The following TUBGCP3 variants were observed in gnomAD, a reference collection of about 807,000 sequenced individuals.
The protein encoded by TUBGCP3 is tubulin gamma complex component 3.
In TUBGCP3, 50 loss-of-function variants were observed where a neutral mutation model predicts 123.1. The observed-to-expected ratio is 0.41, with a 90% CI of 0.32 to 0.51. The LOEUF (loss-of-function observed/expected upper bound fraction) is 0.51. Among genes scored for constraint, TUBGCP3 ranks in the 20% least tolerant of loss-of-function variants. The pLI, the probability that TUBGCP3 is intolerant of heterozygous loss-of-function variation, is 0.36. For missense variants in TUBGCP3, 882 were observed against 1,127.0 expected, an observed-to-expected ratio of 0.78 and a Z score of 3.11; for synonymous variants, 405 against 413.9, an observed-to-expected ratio of 0.98 and a Z score of 0.26.
In TUBGCP3 at chr13:112,504,105, T is replaced by C; in HGVS notation, c.2234A>G (p.Asp745Gly). Reference protein sequence around the residue: ...WNKVQQAQDLDHIIAAHEVFL... With the variant: ...WNKVQQAQDLGHIIAAHEVFL... ...CACCTCGTGTGCAGCAATGATGTGA[T>C]CCAAATCCTGGGCCTGCTGGACTTT... The change falls in exon 19 of 22, where the codon GAT becomes GGT. Residue 745 changes from aspartate to glycine, a missense_variant. Transcript: ENST00000261965. 1 of 1,614,120 alleles carries C rather than the reference T, an allele frequency of 6.2e-7. No individual in the cohort carries two copies. The highest frequency in any genetic ancestry group is 8.5e-7 in the Non-Finnish European group (1 of 1,180,030).
chr13:112,564,739 G>A (rs1880820126), intron 3 of TUBGCP3, among the ~76,000 whole-genome samples: 1 of 152,082 alleles, frequency 6.6e-6, no homozygotes, highest in South Asian at 2.1e-4. Context: ...TATTCACTAT[G>A]GCAGTACAAA....
chr13:112,528,023 T>C (rs1038418000), intron 11 of TUBGCP3, among the ~76,000 whole-genome samples: 1 of 152,252 alleles, frequency 6.6e-6, no homozygotes, highest in Admixed American at 6.5e-5. Context: ...GGTGGCACTG[T>C]AGAAGTGACC....
At chr13:112,574,466 A>C (rs1384932828) in intron 1 of TUBGCP3, among the ~76,000 whole-genome samples, 1 of 152,268 alleles carries the variant, frequency 6.6e-6, no homozygotes, top group Non-Finnish European at 1.5e-5. Context: ...TCCATAGACA[A>C]TCCAAAATCC....
chr13:112,552,416 C>T (rs1017907760), intron 8 of TUBGCP3, among the ~76,000 whole-genome samples: 1 of 152,232 alleles, frequency 6.6e-6, no homozygotes, highest in African/African-American at 2.4e-5. Flanking sequence ...ACCAGTCCTA[C>T]CTGCCTCGAG....
chr13:112,548,965 C>T (rs1369314602), intron 8 of TUBGCP3, among the ~76,000 whole-genome samples: 1 of 152,172 alleles, frequency 6.6e-6, no homozygotes, highest in Non-Finnish European at 1.5e-5. Context: ...TACCATTTGA[C>T]CCAGCCATCC....
At chr13:112,489,805 CCT>C (rs1422079232) in intron 20 of TUBGCP3, 108 bp from the exon 21 acceptor site, 5 of 807,936 alleles carry the variant, frequency 6.2e-6, no homozygotes, top group African/African-American at 3.4e-5. Flanking sequence ...GCTTTTTATG[CCT>C]CTCTGTACTG....
intron 16 of TUBGCP3, among the ~76,000 whole-genome samples, chr13:112,516,853 C>T (rs1271924969): frequency 1.3e-5 from 2 of 152,114 alleles, no homozygotes; most frequent in African/African-American, 4.8e-5. Context: ...CACTACAACT[C>T]CCCCCAACCC....
At chr13:112,553,885 A>C (rs1879804204) in intron 8 of TUBGCP3, among the ~76,000 whole-genome samples, 172 bp downstream of exon 8, 2 of 152,178 alleles carry the variant, frequency 1.3e-5, no homozygotes, top group South Asian at 4.1e-4. Flanking sequence ...CAGTGTCCTC[A>C]TCAGCACCTA....
intron 6 of TUBGCP3, among the ~76,000 whole-genome samples, chr13:112,555,341 G>T (rs1879936445): frequency 1.3e-5 from 2 of 152,148 alleles, no homozygotes; most frequent in Admixed American, 6.6e-5. Flanking sequence ...GTGCCAGGAT[G>T]TCCTCCAGCT....
At chr13:112,533,264 C>T (rs1409603912) in intron 11 of TUBGCP3, among the ~76,000 whole-genome samples, 1 of 152,230 alleles carries the variant, frequency 6.6e-6, no homozygotes, top group Non-Finnish European at 1.5e-5. Context: ...CACCATTCAG[C>T]AGGCATCCAC....
Position 112,519,643 on chromosome 13 carries a change from GC to G in TUBGCP3, c.1881+242del, listed in dbSNP as rs1157239951. ...ATGCGTTTTCTCCAGCTTAAGCCTAGCAGCCCTGCAAGGCTCCCCGCTGCAA... is the reference window on the plus strand; with the variant it reads ...ATGCGTTTTCTCCAGCTTAAGCCTAGAGCCCTGCAAGGCTCCCCGCTGCAA... On this transcript the variant is annotated intron_variant, in intron 15 of 21. Coordinates refer to ENST00000261965, the MANE Select transcript of TUBGCP3 (RefSeq NM_006322.6). This position sits in a 1 kb window ranked among gnomAD's most constrained non-coding sequence, Gnocchi z 6.2. 2.0e-5 allele frequency among the ~76,000 whole-genome samples: 3 copies of G among 152,308 alleles called. No individual in the cohort carries two copies. The highest frequency in any genetic ancestry group is 1.3e-4 in the Admixed American group (2 of 15,310).
intron 5 of TUBGCP3, among the ~76,000 whole-genome samples, chr13:112,556,952 C>T (rs1322669521): frequency 6.6e-6 from 1 of 152,186 alleles, no homozygotes; most frequent in Non-Finnish European, 1.5e-5. Flanking sequence ...AGCTGCTCTA[C>T]AGTTTCCAGG....
At position 112,504,734 on chromosome 13, in the gene TUBGCP3, G is replaced by A. The variant is rs757526403; in HGVS notation, c.2087-20C>T. 6 of 1,604,390 alleles carry A rather than the reference G, an allele frequency of 3.7e-6. No individual in the cohort carries two copies. The highest frequency in any genetic ancestry group is 4.5e-5 in the East Asian group (2 of 44,778). ...AGAACTCTGCAAGGGAAGAGTTGAC[G>A]TCAGAGGTGCAATGCAAGTACACTT... On this transcript the variant is annotated intron_variant, in intron 17 of 21. Transcript: ENST00000261965.
intron 17 of TUBGCP3, among the ~76,000 whole-genome samples, chr13:112,507,992 C>G (rs947267405): frequency 2.6e-5 from 4 of 152,112 alleles, no homozygotes; most frequent in Non-Finnish European, 5.9e-5. Context: ...ACCCATCTAC[C>G]AAACAACACT....
In TUBGCP3 at chr13:112,569,149, T is replaced by C; in HGVS notation, c.184+3A>G. The C allele has an allele frequency of 6.2e-7, 1 of 1,613,922 alleles. No homozygotes were observed. Among genetic ancestry groups the C allele is most frequent in the Non-Finnish European group, 8.5e-7 (1 of 1,179,860 alleles). ...ACACATGACATTTAAGAAAAATACG[T>C]ACGCTCTTTCTTGATTTTTTCAGCT... On this transcript the variant is annotated splice_donor_region_variant and intron_variant, in intron 2 of 21. Transcript: ENST00000261965.
the TUBGCP3 span, chr13:112,605,390 A>C: frequency 6.6e-6 from 1 of 151,850 alleles, no homozygotes; most frequent in Non-Finnish European, 1.5e-5. Flanking sequence ...TAAAGTCATG[A>C]ATTTGGAGTA....
At chr13:112,589,011 G>C (rs560924610), upstream of TUBGCP3, among the ~76,000 whole-genome samples, 1 of 152,344 alleles carries the variant, frequency 6.6e-6, no homozygotes, top group South Asian at 2.1e-4. Context: ...AAGCAGACTT[G>C]TAGGGTATTA....
chr13:112,500,325 A>G (rs1223924875), intron 19 of TUBGCP3, among the ~76,000 whole-genome samples: 1 of 152,218 alleles, frequency 6.6e-6, no homozygotes, highest in Non-Finnish European at 1.5e-5. Context: ...TTTGCAAACA[A>G]AACAGCCAAC....
chr13:112,506,787 T>G (rs542039848), intron 17 of TUBGCP3, among the ~76,000 whole-genome samples: 2 of 152,360 alleles, frequency 1.3e-5, no homozygotes, highest in South Asian at 4.1e-4. Context: ...TACAATTCCT[T>G]TTCAATGTAA....
Sources: allele counts gnomAD v4.1 joint callset (sites outside exome capture counted in the v4.1 genomes callset), GRCh38; gene constraint gnomAD v4.1.1; non-coding constraint Gnocchi (gnomAD v3.1); transcripts MANE v1.5; gene names NCBI Gene and HGNC (gene_info 2026-07-23, HGNC 2026-07-21).